Variants in CAPRIN1 observed in about 807,000 individuals in gnomAD.
CAPRIN1 encodes the protein cell cycle associated protein 1, also known as caprin-1.
CAPRIN1 carries 29 observed loss-of-function variants against 100.9 expected under a neutral mutation model. The ratio of observed to expected loss-of-function variants is 0.29; its 90% confidence interval spans 0.21 to 0.39. CAPRIN1 has a LOEUF of 0.39. Among genes scored for constraint, CAPRIN1 ranks in the 10% least tolerant of loss-of-function variants. The pLI, the probability that CAPRIN1 is intolerant of heterozygous loss-of-function variation, is 1.00. For missense variants in CAPRIN1, 795 were observed against 876.7 expected, an observed-to-expected ratio of 0.91 and a Z score of 1.18; for synonymous variants, 338 against 307.5, an observed-to-expected ratio of 1.10 and a Z score of -1.04.
chr11:34,083,514 T>A (rs1013857475), intron 9 of CAPRIN1, among the ~76,000 whole-genome samples: 2 of 152,216 alleles, frequency 1.3e-5, no homozygotes, highest in African/African-American at 4.8e-5. Context: ...TTCATATTAC[T>A]CCTCTCTGAC....
chr11:34,097,974 T>C (rs1323748728), intron 18 of CAPRIN1: 68 of 1,287,994 alleles, frequency 5.3e-5, no homozygotes, highest in Non-Finnish European at 6.6e-5. Flanking sequence ...ATAAACTGTC[T>C]TGAAAACTAG....
intron 2 of CAPRIN1, among the ~76,000 whole-genome samples, chr11:34,055,117 C>G (rs905206055): frequency 1.3e-5 from 2 of 152,112 alleles, no homozygotes; most frequent in Non-Finnish European, 1.5e-5. Context: ...ATGTGAATTA[C>G]TATACTCTGT....
rs1463369323 is a variant in CAPRIN1, at chr11:34,090,629, A to G, written c.1505A>G (p.His502Arg). 5 of 1,614,040 alleles carry G rather than the reference A, an allele frequency of 3.1e-6. No homozygotes were observed. The African/African-American group carries it at 5.3e-5, about 17-fold the overall frequency. ...CAGGCTGGGACAAGCAAACCTTTAC[A>G]TAGCAGTGGAATCAATGTAAATGCA... is the stretch of plus-strand genomic sequence containing the variant. ...VFQAGTSKPL[H>R]SSGINVNAAP... Residue 502 changes from histidine (H) to arginine (R), a missense_variant, in exon 14 of 19, where the codon CAT becomes CGT. His to Arg is a conservative substitution (Grantham distance 29). Coordinates refer to ENST00000341394, the MANE Select transcript of CAPRIN1 (RefSeq NM_005898.5).
intron 2 of CAPRIN1, among the ~76,000 whole-genome samples, chr11:34,054,982 A>G (rs1850418910): frequency 6.6e-6 from 1 of 152,102 alleles, no homozygotes; most frequent in Non-Finnish European, 1.5e-5. Context: ...TTGGCAGCCA[A>G]TTTAGTTGTG....
chr11:34,086,681 T>C (rs1398028026), intron 11 of CAPRIN1, among the ~76,000 whole-genome samples: 1 of 152,198 alleles, frequency 6.6e-6, no homozygotes, highest in Non-Finnish European at 1.5e-5. Context: ...TGAAAACACC[T>C]GCAGCTAGAT....
intron 14 of CAPRIN1, chr11:34,091,693 T>C (rs1435420750): frequency 4.7e-6 from 2 of 426,550 alleles, no homozygotes; most frequent in Non-Finnish European, 8.2e-6. Context: ...TTTCACAGCA[T>C]ATTATACTCC....
chr11:34,090,320 G>C (rs1290516391), intron 13 of CAPRIN1, 31 bp downstream of exon 13: 5 of 1,426,832 alleles, frequency 3.5e-6, no homozygotes, highest in Non-Finnish European at 4.0e-6. Flanking sequence ...ACATACATTT[G>C]ATGAGGCACT....
intron 11 of CAPRIN1, 136 bp from the exon 12 acceptor site, chr11:34,089,259 A>ACCC (rs1851212039): frequency 1.6e-5 from 1 of 61,080 alleles, no homozygotes; most frequent in African/African-American, 6.9e-4. Context: ...ACAGAGTGAG[A>ACCC]CACTCCCCCC....
intron 4 of CAPRIN1, among the ~76,000 whole-genome samples, chr11:34,075,163 C>G (rs2134108967): frequency 6.6e-6 from 1 of 151,760 alleles, no homozygotes; most frequent in Non-Finnish European, 1.5e-5. Context: ...GATATTTATT[C>G]TGCACACTCT....
rs766835215 is a variant in CAPRIN1, at chr11:34,099,351, C to A, written c.2114C>A (p.Thr705Asn). The A allele has an allele frequency of 5.0e-6, 8 of 1,613,594 alleles. No individual in the cohort carries two copies. The highest frequency in any genetic ancestry group is 6.8e-6 in the Non-Finnish European group (8 of 1,179,660). Residue 705 changes from threonine to asparagine, a missense_variant, in exon 19 of 19, where the codon ACT (threonine) becomes AAT (asparagine). Around this residue, in one of 3 missense-constraint regions of CAPRIN1, gnomAD observed 648 missense variants for 697.9 expected, o/e 0.93. Coordinates refer to ENST00000341394, the MANE Select transcript of CAPRIN1 (RefSeq NM_005898.5). ...AACAGAGGGATGCCGCAAATGAACA[C>A]TCAGCAAGTGAATTAATCTGATTCA... is the stretch of plus-strand genomic sequence containing the variant. ...RPNRGMPQMN[T>N]QQVN
At chr11:34,096,769 A>T (rs1345700037) in intron 16 of CAPRIN1, 96 bp downstream of exon 16, 1 of 862,364 alleles carries the variant, frequency 1.2e-6, no homozygotes, top group Non-Finnish European at 1.8e-6. Flanking sequence ...GGAAGGATGT[A>T]TCTGCATTAG....
chr11:34,086,014 G>A (rs1248647957), intron 9 of CAPRIN1, 50 bp from the exon 10 acceptor site: 8 of 1,551,634 alleles, frequency 5.2e-6, no homozygotes, highest in Non-Finnish European at 7.1e-6. Flanking sequence ...GGTAGTGAGT[G>A]GAGCTTTTTT....
chr11:34,096,479 T>C lies in CAPRIN1; in HGVS notation c.1706T>C (p.Val569Ala). Residue 569 changes from valine (V) to alanine (A), a missense_variant and splice_region_variant, in exon 16 of 19, where the codon GTG becomes GCG. Transcript: ENST00000341394. ...TELQQEQLQT[V>A]VGTYHGSPDQ... ...TATCTTTTTCTTTTTTAAATTATAGTGGTTGGCACTTACCATGGTTCCCCA... is the reference window on the plus strand; with the variant it reads ...TATCTTTTTCTTTTTTAAATTATAGCGGTTGGCACTTACCATGGTTCCCCA... The C allele has an allele frequency of 6.2e-7, 1 of 1,611,314 alleles. No individual in the cohort carries two copies. The highest frequency in any genetic ancestry group is 1.1e-5 in the South Asian group (1 of 90,696).
At chr11:34,068,645 T>G (rs1014540334) in intron 2 of CAPRIN1, among the ~76,000 whole-genome samples, 4 of 152,174 alleles carry the variant, frequency 2.6e-5, no homozygotes, top group African/African-American at 9.7e-5. Context: ...TCAATTTTAG[T>G]ATCTTTTCTG....
intron 1 of CAPRIN1, 130 bp from the exon 2 acceptor site, chr11:34,052,291 C>T (rs1161924945): frequency 1.8e-5 from 14 of 766,728 alleles, no homozygotes; most frequent in Middle Eastern, 3.6e-4. Flanking sequence ...GCGCCGCGCC[C>T]CCTCCCCCAC....
intron 6 of CAPRIN1, 25 bp from the exon 7 acceptor site, chr11:34,079,603 T>C: frequency 1.2e-6 from 2 of 1,604,664 alleles, no homozygotes; most frequent in Non-Finnish European, 8.5e-7. Flanking sequence ...AAGTCTTACA[T>C]TATAATTCAT....
chr11:34,098,183 A>T, intron 18 of CAPRIN1: 1 of 997,228 alleles, frequency 1.0e-6, no homozygotes, highest in Non-Finnish European at 1.2e-6. Flanking sequence ...AGGGCCAGAC[A>T]CCCTTTAATG....
At chr11:34,097,645 G>C in intron 17 of CAPRIN1, 53 bp from the exon 18 acceptor site, 1 of 1,604,956 alleles carries the variant, frequency 6.2e-7, no homozygotes, top group East Asian at 2.2e-5. Flanking sequence ...AGAATAGATG[G>C]GTAAGCATTT....
rs920772696 is a variant in CAPRIN1 at position 34,076,404 on chromosome 11, T to C, written c.535T>C (p.Ser179Pro). 1.9e-5 allele frequency: 31 copies of C among 1,614,084 alleles called. No homozygotes were observed. The highest frequency in any genetic ancestry group is 2.6e-5 in the Non-Finnish European group (31 of 1,180,042). ...KQGLNGVPIL[S>P]EEELSLLDEF... ...AGGTTTGAATGGAGTGCCAATATTGTCCGAAGAGGAGTTGTCATTGTTGGA... is the reference window on the plus strand; with the variant it reads ...AGGTTTGAATGGAGTGCCAATATTGCCCGAAGAGGAGTTGTCATTGTTGGA... Residue 179 changes from serine (S) to proline (P), a missense_variant, in exon 5 of 19, where the codon TCC becomes CCC. By Grantham distance (74) the Ser-to-Pro change is moderately conservative. Transcript: ENST00000341394.
Sources: allele counts gnomAD v4.1 joint callset (sites outside exome capture counted in the v4.1 genomes callset), GRCh38; gene constraint gnomAD v4.1.1; regional missense constraint gnomAD v4.1.1; transcripts MANE v1.5; gene names NCBI Gene and HGNC (gene_info 2026-07-23, HGNC 2026-07-21).